The following FEZ1 variants were observed in gnomAD, a reference collection of about 807,000 sequenced individuals.
FEZ1 encodes the protein fasciculation and elongation protein zeta 1.
Under a neutral mutation model 49.3 loss-of-function variants are expected in FEZ1, and 20 were observed. That is an observed-to-expected ratio of 0.41 (90% CI 0.29 to 0.59). FEZ1 has a LOEUF of 0.59. Among genes scored for constraint, FEZ1 ranks in the 20% least tolerant of loss-of-function variants. The pLI, the probability that FEZ1 is intolerant of heterozygous loss-of-function variation, is 0.36. For synonymous variants in FEZ1, 170 were observed against 180.9 expected (o/e 0.94, Z 0.48); for missense variants, 413 against 476.0 (o/e 0.87, Z 1.23).
intron 3 of FEZ1, among the ~76,000 whole-genome samples, chr11:125,475,275 T>TACACAC (rs67243081): frequency 0.01 from 1,429 of 141,790 alleles, 20 homozygotes; most frequent in African/African-American, 0.025. Context: ...GTCTCAAAAA[T>TACACAC]ACACACACAC....
chr11:125,479,846 G>A (rs1030885647), intron 3 of FEZ1, among the ~76,000 whole-genome samples: 20 of 152,176 alleles, frequency 1.3e-4, no homozygotes, highest in African/African-American at 4.8e-4. Context: ...TTAGTCTAAC[G>A]TATCCTGTTA....
At chr11:125,448,592 A>G in intron 8 of FEZ1, 25 bp from the exon 9 acceptor site, 1 of 1,504,942 alleles carries the variant, frequency 6.6e-7, no homozygotes, top group Non-Finnish European at 9.3e-7. Flanking sequence ...AGAGAGAGGA[A>G]CTAAGATACC....
chr11:125,469,868 C>T (rs1957168365), intron 3 of FEZ1, among the ~76,000 whole-genome samples: 1 of 151,764 alleles, frequency 6.6e-6, no homozygotes, highest in South Asian at 2.1e-4. Flanking sequence ...GCACTCCATC[C>T]CCTGGCTACC....
At chr11:125,493,545 A>G (rs946427306) in intron 1 of FEZ1, among the ~76,000 whole-genome samples, 2 of 151,474 alleles carry the variant, frequency 1.3e-5, no homozygotes, top group Non-Finnish European at 1.5e-5. Context: ...AAAGAAAGAA[A>G]GAAAGAAAGG....
chr11:125,460,738 A>T, intron 4 of FEZ1, 72 bp from the exon 5 acceptor site: 1 of 1,358,798 alleles, frequency 7.4e-7, no homozygotes, highest in East Asian at 2.3e-5. Flanking sequence ...AATTTTGATC[A>T]GTTAAGGATG....
intron 3 of FEZ1, among the ~76,000 whole-genome samples, chr11:125,474,098 C>T (rs890433174): frequency 5.3e-5 from 8 of 151,668 alleles, no homozygotes; most frequent in African/African-American, 9.7e-5. Context: ...AATCTCAACC[C>T]ACTGCAACCT....
chr11:125,492,291 G>T (rs1239927397), intron 1 of FEZ1, among the ~76,000 whole-genome samples: 2 of 152,140 alleles, frequency 1.3e-5, no homozygotes, highest in Admixed American at 1.3e-4. Flanking sequence ...GCCAGTCAGG[G>T]GTTCTTCATC....
intron 3 of FEZ1, among the ~76,000 whole-genome samples, chr11:125,472,262 A>G (rs1211809229): frequency 6.6e-6 from 1 of 152,062 alleles, no homozygotes; most frequent in Non-Finnish European, 1.5e-5. Flanking sequence ...GGGAATCAAT[A>G]AACTAAAAAG....
rs557169319 is a variant in FEZ1 at position 125,490,513 on chromosome 11, A to G, written c.-45-691T>C. 2.7e-3 allele frequency among the ~76,000 whole-genome samples: 414 copies of G among 152,284 alleles called. 6 individuals carry two copies. Among genetic ancestry groups the G allele is most frequent in the South Asian group, 5.8e-3 (28 of 4,822 alleles). ...ATGCCTGGCCCCAGGGGTTTTGGAT[A>G]AGGGTTTGTATACCTAGATATTACT... On this transcript the variant is annotated intron_variant, in intron 1 of 9. Transcript: ENST00000278919.
intron 2 of FEZ1, among the ~76,000 whole-genome samples, chr11:125,482,245 A>T (rs953029421): frequency 6.6e-6 from 1 of 152,226 alleles, no homozygotes; most frequent in African/African-American, 2.4e-5. Flanking sequence ...CTTACTACCC[A>T]AAATGTTCTA....
rs1346718888 is a variant in FEZ1 at position 125,489,669 on chromosome 11, G to A, written c.109C>T (p.His37Tyr). The A allele has an allele frequency of 8.1e-6, 13 of 1,614,050 alleles. No individual in the cohort carries two copies. Among genetic ancestry groups the A allele is most frequent in the Non-Finnish European group, 1.1e-5 (13 of 1,179,974 alleles). Residue 37 changes from histidine to tyrosine, a missense_variant, in exon 2 of 10, where the codon CAT (histidine) becomes TAT (tyrosine). His to Tyr is a moderately conservative substitution (Grantham distance 83, BLOSUM62 2). Coordinates refer to ENST00000278919, the MANE Select transcript of FEZ1 (RefSeq NM_005103.5). The surrounding 1 kb of genome is among the most constrained non-coding windows in gnomAD (Gnocchi z 4.2). ...TCGGAGAGGGAGGGGTCCTCGAGAT[G>A]GTGGGGAGATGAACCATAGAAACAC... Reference protein sequence around the residue: ...PQCFYGSSPHHLEDPSLSELE... With the variant: ...PQCFYGSSPHYLEDPSLSELE...
At chr11:125,492,049 T>A (rs781412036) in intron 1 of FEZ1, among the ~76,000 whole-genome samples, 1 of 152,370 alleles carries the variant, frequency 6.6e-6, no homozygotes, top group Admixed American at 6.5e-5. Context: ...AAGTAATATG[T>A]TTATTTAATC....
At chr11:125,483,255 T>C (rs1264903572) in intron 2 of FEZ1, among the ~76,000 whole-genome samples, 4 of 152,156 alleles carry the variant, frequency 2.6e-5, no homozygotes, top group African/African-American at 9.7e-5. Context: ...ATATGGGTTT[T>C]AAAAGCAAAA....
chr11:125,468,333 A>T (rs1957152966), intron 3 of FEZ1, among the ~76,000 whole-genome samples: 1 of 151,980 alleles, frequency 6.6e-6, no homozygotes, highest in Non-Finnish European at 1.5e-5. Context: ...GCACACCACC[A>T]CTCATGGCAA....
chr11:125,447,833 A>G (rs928446134), intron 9 of FEZ1, among the ~76,000 whole-genome samples: 4 of 148,274 alleles, frequency 2.7e-5, no homozygotes, highest in African/African-American at 4.9e-5. Flanking sequence ...AAAAAAAAAA[A>G]AAAGAAAGAA....
intron 2 of FEZ1, among the ~76,000 whole-genome samples, chr11:125,482,974 TAAAAAAAAAA>T (rs56169482): frequency 2.1e-4 from 6 of 28,758 alleles, no homozygotes; most frequent in African/African-American, 4.0e-4. Context: ...CAAGACACTG[TAAAAAAAAAA>T]AAAAAAAAAA....
chr11:125,468,811 C>T (rs532274708), intron 3 of FEZ1, among the ~76,000 whole-genome samples: 34 of 152,134 alleles, frequency 2.2e-4, no homozygotes, highest in African/African-American at 7.5e-4. Flanking sequence ...GGCAGCATGG[C>T]GGGGCTATGT....
intron 3 of FEZ1, among the ~76,000 whole-genome samples, chr11:125,471,704 A>G (rs1034416574): frequency 6.6e-6 from 1 of 152,182 alleles, no homozygotes; most frequent in Non-Finnish European, 1.5e-5. Context: ...TAATTGATAG[A>G]ATAAACAGAC....
chr11:125,489,898 C>T lies in FEZ1; in HGVS notation c.-45-76G>A. The T allele has an allele frequency of 1.6e-6, 2 of 1,286,988 alleles. No homozygotes were observed. The highest frequency in any genetic ancestry group is 5.6e-5 in the East Asian group (2 of 35,778). 79.7% of individuals were successfully genotyped at this position (1,286,988 alleles called of 1,614,324 possible). A position where few individuals can be genotyped will look rare whatever the true frequency, so the allele number is the denominator to read the frequency against. On this transcript the variant is annotated intron_variant, in intron 1 of 9. Coordinates refer to ENST00000278919, the MANE Select transcript of FEZ1 (RefSeq NM_005103.5). The surrounding 1 kb of genome is among the most constrained non-coding windows in gnomAD (Gnocchi z 4.2). Reference sequence around the variant, plus strand: ...AATAGAGTTAACTTTAGAGACACACCTGCTTCCAATTCCCTACTCCAAAAA... The same window carrying T: ...AATAGAGTTAACTTTAGAGACACACTTGCTTCCAATTCCCTACTCCAAAAA...
Sources: allele counts gnomAD v4.1 joint callset (sites outside exome capture counted in the v4.1 genomes callset), GRCh38; gene constraint gnomAD v4.1.1; non-coding constraint Gnocchi (gnomAD v3.1); transcripts MANE v1.5; gene names NCBI Gene and HGNC (gene_info 2026-07-23, HGNC 2026-07-21).